Variants in FAM178B observed in about 807,000 individuals in gnomAD.
FAM178B encodes family with sequence similarity 178 member B, also known as protein FAM178B.
Under a neutral mutation model 91.7 loss-of-function variants are expected in FAM178B, and 82 were observed. That is an observed-to-expected ratio of 0.89 (90% CI 0.75 to 1.07). The LOEUF (loss-of-function observed/expected upper bound fraction) is 1.07. Ranked by LOEUF, FAM178B falls within the 50% of genes least tolerant of loss-of-function variation. FAM178B has a pLI of 0.00. For missense variants in FAM178B, 769 were observed against 846.7 expected (o/e 0.91, Z 1.14); for synonymous variants, 368 against 359.4 (o/e 1.02, Z -0.27).
chr2:96,967,911 C>CTTTGTTTTTTTTTTTTTT (rs2082165791), intron 4 of FAM178B, among the ~76,000 whole-genome samples: 2 of 62,418 alleles, frequency 3.2e-5, no homozygotes, highest in Non-Finnish European at 6.0e-5. Context: ...CCTGTTTGGT[C>CTTTGTTTTTTTTTTTTTT]TTTTTTTTTT....
intron 16 of FAM178B, among the ~76,000 whole-genome samples, chr2:96,876,962 T>TG (rs1408804409): frequency 6.6e-6 from 1 of 152,128 alleles, no homozygotes; most frequent in Non-Finnish European, 1.5e-5. Context: ...GCCCTGATTC[T>TG]GACATTCACA....
In FAM178B at chr2:96,921,095, C is replaced by T. The variant is rs1200326608; in HGVS notation, c.1562+70G>A. ...GGTTTGTTGGGGCTGATGGGGAGGACTCTGGATCCCTACAAGACCCCGAAG... is the reference window on the plus strand; with the variant it reads ...GGTTTGTTGGGGCTGATGGGGAGGATTCTGGATCCCTACAAGACCCCGAAG... On this transcript the variant is annotated intron_variant, in intron 12 of 16. Transcript: ENST00000490605. The T allele has an allele frequency of 2.3e-6, 3 of 1,323,052 alleles. No individual in the cohort carries two copies. In the East Asian group the frequency reaches 7.5e-5, roughly 33 times the overall value. The allele number at this position is 1,323,052 out of a possible 1,614,324, so 82.0% of individuals were successfully genotyped here.
At chr2:96,978,503 C>T (rs1190040581) in intron 1 of FAM178B, among the ~76,000 whole-genome samples, 1 of 152,172 alleles carries the variant, frequency 6.6e-6, no homozygotes, top group Non-Finnish European at 1.5e-5. Context: ...CATCCAAGTA[C>T]ACCCAGTGTT....
chr2:96,967,675 C>G, intron 4 of FAM178B, 48 bp from the exon 5 acceptor site: 1 of 1,314,050 alleles, frequency 7.6e-7, no homozygotes, highest in Non-Finnish European at 1.1e-6. Context: ...TGTTCCCCAT[C>G]GTGCAACCCT....
At chr2:96,909,099 C>T (rs1250502347) in intron 12 of FAM178B, among the ~76,000 whole-genome samples, 6 of 149,346 alleles carry the variant, frequency 4.0e-5, no homozygotes, top group Non-Finnish European at 5.9e-5. Context: ...GCCGACATCA[C>T]GCCACCGCCC....
chr2:96,975,338 C>G (rs78352856), intron 1 of FAM178B, among the ~76,000 whole-genome samples: 3,145 of 152,052 alleles, frequency 0.021, 99 homozygotes, highest in African/African-American at 0.066. Context: ...GTATACTCGC[C>G]AGAAAAATAT....
chr2:96,882,684 G>A (rs1341080460), intron 14 of FAM178B, among the ~76,000 whole-genome samples: 1 of 152,204 alleles, frequency 6.6e-6, no homozygotes, highest in African/African-American at 2.4e-5. Context: ...TACGCCAGAG[G>A]GAGGCCCTTC....
intron 7 of FAM178B, among the ~76,000 whole-genome samples, chr2:96,948,708 G>A (rs1463176111): frequency 5.9e-5 from 9 of 152,220 alleles, no homozygotes; most frequent in Non-Finnish European, 8.8e-5. Flanking sequence ...TTCCTCCAGG[G>A]GCTGGGCAGT....
At chr2:96,941,719 C>T (rs750972951) in intron 8 of FAM178B, among the ~76,000 whole-genome samples, 83 of 152,148 alleles carry the variant, frequency 5.5e-4, no homozygotes, top group African/African-American at 1.9e-3. Context: ...TAGAAGCCAA[C>T]AGAGAATGAA....
chr2:96,898,152 C>T (rs2080858319), intron 13 of FAM178B: 10 of 978,938 alleles, frequency 1.0e-5, no homozygotes, highest in South Asian at 9.5e-5. Context: ...TACAGTGAAT[C>T]GATTGATAGG....
chr2:96,923,737 C>T (rs2081386390), intron 9 of FAM178B, among the ~76,000 whole-genome samples, 154 bp from the exon 10 acceptor site: 1 of 152,200 alleles, frequency 6.6e-6, no homozygotes, highest in South Asian at 2.1e-4. Context: ...TTTCTGAGGG[C>T]CAAGAATCCA....
At chr2:96,878,120 A>C in intron 15 of FAM178B, 78 bp from the exon 16 acceptor site, 2 of 1,499,406 alleles carry the variant, frequency 1.3e-6, no homozygotes, top group Non-Finnish European at 1.8e-6. Flanking sequence ...AGGAGAACAA[A>C]TTCAGAGAAA....
In FAM178B at chr2:96,898,230, G is replaced by A. The variant is rs186863599; in HGVS notation, c.1651-4179C>T. ...GCCCTTGTCCTCCTGTCTGTGAACC[G>A]GGACTAAAGCCCAAGGACCCAGCAG... On this transcript the variant is annotated intron_variant, in intron 13 of 16. Transcript: ENST00000490605. 607 of 636,744 alleles carry A rather than the reference G, an allele frequency of 9.5e-4. 3 individuals are homozygous for A. Among genetic ancestry groups the A allele is most frequent in the Middle Eastern group, 1.6e-3 (2 of 1,236 alleles). 39.4% of individuals were successfully genotyped at this position (636,744 alleles called of 1,614,324 possible). A position where few individuals can be genotyped will look rare whatever the true frequency, so the allele number is the denominator to read the frequency against.
At position 96,923,758 on chromosome 2, in the gene FAM178B, G is replaced by A. The variant is rs147216041; in HGVS notation, c.1194-175C>T. Among the ~76,000 whole-genome samples the A allele has an allele frequency of 3.1e-3, 476 of 152,348 alleles. 1 individual carries two copies. Among genetic ancestry groups the A allele is most frequent in the Non-Finnish European group, 4.1e-3 (277 of 68,036 alleles). On this transcript the variant is annotated intron_variant, in intron 9 of 16. Coordinates refer to ENST00000490605, the MANE Select transcript of FAM178B (RefSeq NM_001122646.3). ...AGGGCCAAGAATCCAGGGCAGCTCT[G>A]TTGGGTGGTCCTGGCTCGGGGGTCT...
At chr2:96,931,497 A>C (rs2081538183) in intron 8 of FAM178B, among the ~76,000 whole-genome samples, 1 of 152,174 alleles carries the variant, frequency 6.6e-6, no homozygotes, top group Non-Finnish European at 1.5e-5. Context: ...GTGGAATGGG[A>C]ATGTCTCTTT....
chr2:96,925,992 C>T (rs2081431684), intron 9 of FAM178B, among the ~76,000 whole-genome samples: 1 of 152,176 alleles, frequency 6.6e-6, no homozygotes, highest in African/African-American at 2.4e-5. Flanking sequence ...GGTCTCTGCA[C>T]CAGGCTGCTC....
chr2:96,940,144 G>A (rs1264558572), intron 8 of FAM178B, among the ~76,000 whole-genome samples: 2 of 152,162 alleles, frequency 1.3e-5, no homozygotes, highest in African/African-American at 4.8e-5. Flanking sequence ...AGTGCAGCTG[G>A]CGTGGCAGAC....
At position 96,902,650 on chromosome 2, in the gene FAM178B, C is replaced by T; in HGVS notation, c.1620G>A (p.Glu540=). 1.3e-6 allele frequency: 2 copies of T among 1,551,012 alleles called. No homozygotes were observed. Among genetic ancestry groups the T allele is most frequent in the Non-Finnish European group, 1.7e-6 (2 of 1,146,664 alleles). The change falls in exon 13 of 17, where the codon GAG becomes GAA. Residue 540 remains glutamate, a synonymous_variant. Coordinates refer to ENST00000490605, the MANE Select transcript of FAM178B (RefSeq NM_001122646.3). ...TCTTCTCTTGCCAGAGAGGGAGCAT[C>T]TCCTGCTGGCCCAGCATTCGAGCAA... ...VVIARMLGQQ[E]MLPLWQEKTQ... is the part of the protein sequence containing the mutation.
At chr2:96,913,545 C>T (rs538834966) in intron 12 of FAM178B, among the ~76,000 whole-genome samples, 2 of 152,320 alleles carry the variant, frequency 1.3e-5, no homozygotes, top group African/African-American at 4.8e-5. Flanking sequence ...TCGAGGGAAG[C>T]CACGGTGCAT....
Sources: allele counts gnomAD v4.1 joint callset (sites outside exome capture counted in the v4.1 genomes callset), GRCh38; gene constraint gnomAD v4.1.1; transcripts MANE v1.5; gene names NCBI Gene and HGNC (gene_info 2026-07-23, HGNC 2026-07-21).